Variants in PCDH7 observed in about 807,000 individuals in gnomAD.
PCDH7 encodes protocadherin 7, also known as protocadherin-7.
In PCDH7, 17 loss-of-function variants were observed where a neutral mutation model predicts 58.9. The observed-to-expected ratio is 0.29, with a 90% confidence interval of 0.20 to 0.43. PCDH7 has a LOEUF of 0.43. Among genes scored for constraint, PCDH7 ranks in the 20% least tolerant of loss-of-function variants. The pLI is 1.00. For synonymous variants in PCDH7, 664 were observed against 616.4 expected, an observed-to-expected ratio of 1.08 and a Z score of -1.14; for missense variants, 1,274 against 1,441.0, an observed-to-expected ratio of 0.88 and a Z score of 1.88.
chr4:30,937,788 G>A (rs1362376333), intron 2 of PCDH7, among the ~76,000 whole-genome samples: 1 of 151,518 alleles, frequency 6.6e-6, no homozygotes, highest in African/African-American at 2.4e-5. Flanking sequence ...CTAATATAAG[G>A]GTATTATGGG....
chr4:30,908,698 CAG>C (rs1741324269), intron 1 of PCDH7, among the ~76,000 whole-genome samples: 1 of 152,118 alleles, frequency 6.6e-6, no homozygotes, highest in South Asian at 2.1e-4. Flanking sequence ...CAAATTCTAC[CAG>C]AGGTACAAAG....
At chr4:30,811,182 T>C (rs1726944840) in intron 1 of PCDH7, among the ~76,000 whole-genome samples, 1 of 152,198 alleles carries the variant, frequency 6.6e-6, no homozygotes, top group South Asian at 2.1e-4. Flanking sequence ...GTGTACTTTC[T>C]ACTGGAAGAA....
intron 3 of PCDH7, among the ~76,000 whole-genome samples, chr4:30,955,336 C>CT (rs1398214974): frequency 6.6e-6 from 1 of 151,910 alleles, no homozygotes; most frequent in Non-Finnish European, 1.5e-5. Context: ...GGGGAAAAAA[C>CT]TGACTCACAT....
intron 1 of PCDH7, among the ~76,000 whole-genome samples, chr4:30,907,163 T>C (rs963862359): frequency 7.9e-5 from 12 of 152,074 alleles, no homozygotes; most frequent in African/African-American, 2.2e-4. Context: ...TCAGCAACTG[T>C]GTATGAAGAT....
At chr4:30,752,613 T>G (rs1370277443) in intron 1 of PCDH7, among the ~76,000 whole-genome samples, 2 of 150,312 alleles carry the variant, frequency 1.3e-5, no homozygotes, top group East Asian at 3.9e-4. Flanking sequence ...ACGTATGTAT[T>G]AGAAGATATG....
intron 3 of PCDH7, among the ~76,000 whole-genome samples, chr4:31,051,143 AAGGTCTTCCTTG>A (rs2109220590): frequency 6.6e-6 from 1 of 152,218 alleles, no homozygotes; most frequent in South Asian, 2.1e-4. Flanking sequence ...CTCTTTGTTT[AAGGTCTTCCTTG>A]AATCCCCAAG....
chr4:30,992,269 A>G (rs1189948344), intron 3 of PCDH7, among the ~76,000 whole-genome samples: 1 of 152,192 alleles, frequency 6.6e-6, no homozygotes. Context: ...TCCTCTAAGG[A>G]AACTTTTATT....
At chr4:30,756,931 G>A (rs191867482) in intron 1 of PCDH7, among the ~76,000 whole-genome samples, 8 of 152,284 alleles carry the variant, frequency 5.3e-5, no homozygotes, top group African/African-American at 1.7e-4. Context: ...TGAGAGGCTT[G>A]GATCTTTCAG....
chr4:31,011,018 C>A (rs1753143990), intron 3 of PCDH7, among the ~76,000 whole-genome samples: 1 of 152,004 alleles, frequency 6.6e-6, no homozygotes, highest in South Asian at 2.1e-4. Context: ...TAGCAGACTT[C>A]TTTCTTGGAC....
intron 3 of PCDH7, among the ~76,000 whole-genome samples, chr4:31,132,561 AG>A (rs1427478751): frequency 6.6e-6 from 1 of 152,176 alleles, no homozygotes; most frequent in Non-Finnish European, 1.5e-5. Context: ...ATAATTACCT[AG>A]TTATGATGTA....
chr4:30,870,404 T>C (rs1283169969), intron 1 of PCDH7, among the ~76,000 whole-genome samples: 2 of 152,120 alleles, frequency 1.3e-5, no homozygotes, highest in African/African-American at 4.8e-5. Flanking sequence ...CTTCCAGGGA[T>C]TTTATGCTTT....
chr4:30,807,503 G>T (rs1266799680), intron 1 of PCDH7, among the ~76,000 whole-genome samples: 1 of 152,108 alleles, frequency 6.6e-6, no homozygotes, highest in Non-Finnish European at 1.5e-5. Context: ...AGGATATTGG[G>T]CTTTAAAGAA....
At chr4:31,103,782 C>T (rs533755829) in intron 3 of PCDH7, among the ~76,000 whole-genome samples, 2 of 152,292 alleles carry the variant, frequency 1.3e-5, no homozygotes, top group South Asian at 4.1e-4. Context: ...CATATACCCA[C>T]GTACCTATTT....
chr4:31,005,407 A>G (rs1394044787), intron 3 of PCDH7, among the ~76,000 whole-genome samples: 1 of 151,916 alleles, frequency 6.6e-6, no homozygotes, highest in African/African-American at 2.4e-5. Flanking sequence ...CACATAAGGA[A>G]TCTTGCTTCA....
chr4:30,931,336 G>A (rs967244226), intron 2 of PCDH7, among the ~76,000 whole-genome samples: 1 of 152,162 alleles, frequency 6.6e-6, no homozygotes, highest in Non-Finnish European at 1.5e-5. Flanking sequence ...AGCACTTTGG[G>A]AGGCCCAGGC....
intron 3 of PCDH7, among the ~76,000 whole-genome samples, chr4:31,100,045 CT>C (rs1246572884): frequency 7.9e-5 from 12 of 152,014 alleles, no homozygotes; most frequent in African/African-American, 2.9e-4. Context: ...CTGAGTATGG[CT>C]CTCACTCTTT....
chr4:30,863,260 A>G (rs1395378174), intron 1 of PCDH7, among the ~76,000 whole-genome samples: 1 of 152,082 alleles, frequency 6.6e-6, no homozygotes, highest in Non-Finnish European at 1.5e-5. Flanking sequence ...GCAGTTAGCT[A>G]TTCTTTCTTC....
chr4:30,952,869 T>C (rs1387339151), intron 3 of PCDH7, among the ~76,000 whole-genome samples: 1 of 152,168 alleles, frequency 6.6e-6, no homozygotes, highest in Non-Finnish European at 1.5e-5. Context: ...GAGACAGGGC[T>C]TGCTGGGAAA....
chr4:30,916,682 A>G (rs1413387664), intron 1 of PCDH7, among the ~76,000 whole-genome samples: 5 of 152,202 alleles, frequency 3.3e-5, no homozygotes, highest in African/African-American at 1.2e-4. Context: ...AAGTCTCAAG[A>G]TGGAACCAGG....
Sources: gnomAD v4.1 joint callset for allele counts (sites outside exome capture counted in the v4.1 genomes callset) on GRCh38, gnomAD v4.1.1 for gene constraint, MANE v1.5 for transcripts, NCBI Gene and HGNC (gene_info 2026-07-23, HGNC 2026-07-21) for gene names.